Variants in EXOC6 observed in about 807,000 individuals in gnomAD.
EXOC6 encodes SEC15-like 1.
A neutral mutation model predicts 112.5 loss-of-function variants in EXOC6; 60 were observed. The ratio of observed to expected loss-of-function variants is 0.53; its 90% CI spans 0.43 to 0.66. The LOEUF (loss-of-function observed/expected upper bound fraction) is 0.66, where lower values mean the gene tolerates loss of function less well. Ranked by LOEUF, EXOC6 falls within the 30% of genes least tolerant of loss-of-function variation. The pLI is 0.00. For missense variants in EXOC6, 855 were observed against 957.1 expected (o/e 0.89, Z 1.41); for synonymous variants, 295 against 308.0 (o/e 0.96, Z 0.44).
At chr10:92,972,861 T>C (rs1842354557) in intron 17 of EXOC6, among the ~76,000 whole-genome samples, 1 of 152,240 alleles carries the variant, frequency 6.6e-6, no homozygotes, top group African/African-American at 2.4e-5. Flanking sequence ...CTTGGAGCCT[T>C]CTTAGGTCTT....
chr10:92,872,105 G>A (rs1246459768), intron 1 of EXOC6, among the ~76,000 whole-genome samples: 1 of 151,156 alleles, frequency 6.6e-6, no homozygotes, highest in East Asian at 1.9e-4. Flanking sequence ...TTTGCATTTT[G>A]TACGTAATTC....
intron 1 of EXOC6, among the ~76,000 whole-genome samples, chr10:92,883,971 A>C (rs1343427423): frequency 6.6e-6 from 1 of 152,016 alleles, no homozygotes; most frequent in Non-Finnish European, 1.5e-5. Flanking sequence ...ATCTTGGCTC[A>C]CTGCAGCCTC....
intron 18 of EXOC6, among the ~76,000 whole-genome samples, chr10:92,976,668 A>T (rs1423763513): frequency 5.4e-5 from 8 of 148,404 alleles, no homozygotes; most frequent in African/African-American, 2.0e-4. Context: ...TAAAAAAAAA[A>T]ATAATAAATT....
intron 5 of EXOC6, among the ~76,000 whole-genome samples, chr10:92,906,519 G>A (rs188291721): frequency 1.3e-5 from 2 of 152,260 alleles, no homozygotes; most frequent in African/African-American, 4.8e-5. Context: ...GTGATGACAT[G>A]TACATTTTTA....
chr10:93,024,069 A>T (rs548271270), intron 20 of EXOC6, among the ~76,000 whole-genome samples: 1 of 152,338 alleles, frequency 6.6e-6, no homozygotes, highest in African/African-American at 2.4e-5. Context: ...TTGAGCATCC[A>T]TTGCTTCACT....
chr10:92,904,070 T>G (rs945534858), intron 5 of EXOC6, among the ~76,000 whole-genome samples: 2 of 152,112 alleles, frequency 1.3e-5, no homozygotes, highest in Non-Finnish European at 2.9e-5. Context: ...TATAATATGT[T>G]CAGACTGGCT....
intron 20 of EXOC6, among the ~76,000 whole-genome samples, chr10:93,034,038 CTG>C (rs1845395788): frequency 6.6e-6 from 1 of 152,226 alleles, no homozygotes; most frequent in African/African-American, 2.4e-5. Flanking sequence ...ACTTTGGAAA[CTG>C]TTTCCTGAAC....
At chr10:92,854,633 C>T (rs370220779) in intron 1 of EXOC6, among the ~76,000 whole-genome samples, 7 of 152,112 alleles carry the variant, frequency 4.6e-5, no homozygotes, top group African/African-American at 1.7e-4. Context: ...GGTTTTGTCC[C>T]TTATTCTTTT....
At chr10:92,962,809 G>A (rs554760665) in intron 17 of EXOC6, among the ~76,000 whole-genome samples, 1 of 152,154 alleles carries the variant, frequency 6.6e-6, no homozygotes. Flanking sequence ...TAACAACAGT[G>A]TGTAATAGTA....
At chr10:92,845,552 CAAA>C (rs1169907413), upstream of EXOC6, among the ~76,000 whole-genome samples, 15 of 65,522 alleles carry the variant, frequency 2.3e-4, no homozygotes, top group African/African-American at 3.9e-4. Flanking sequence ...GACTCCATCT[CAAA>C]AAAAAAAAAA....
intron 13 of EXOC6, among the ~76,000 whole-genome samples, chr10:92,941,392 A>G (rs1852659635): frequency 6.6e-6 from 1 of 152,216 alleles, no homozygotes; most frequent in Non-Finnish European, 1.5e-5. Flanking sequence ...GAACGTGAGT[A>G]CAGTATACAT....
Position 92,959,025 on chromosome 10 carries a change from T to C in EXOC6, c.1773+3311T>C, listed in dbSNP as rs148617116. ...AGGAGAATCGCTTGAACCCGGGAGG[T>C]AGAGGTTGCAGTGAGCCGAGATCAT... On this transcript the variant is annotated intron_variant, in intron 17 of 21. Transcript: ENST00000260762. 3.6e-3 allele frequency among the ~76,000 whole-genome samples: 545 copies of C among 151,222 alleles called. 2 individuals carry two copies. The highest frequency in any genetic ancestry group is 0.013 in the African/African-American group (519 of 41,142).
chr10:92,915,949 T>C (rs1315862792), intron 7 of EXOC6, 36 bp downstream of exon 7: 1 of 1,421,954 alleles, frequency 7.0e-7, no homozygotes, highest in Non-Finnish European at 9.4e-7. Context: ...TATTATTAGA[T>C]AATTTTTTTT....
intron 20 of EXOC6, among the ~76,000 whole-genome samples, chr10:93,047,981 A>G (rs1316308849): frequency 6.6e-6 from 1 of 152,166 alleles, no homozygotes. Context: ...ATTGTGAGAG[A>G]AAAGACACAA....
At chr10:92,887,383 T>C (rs1053661724) in intron 1 of EXOC6, among the ~76,000 whole-genome samples, 1 of 145,110 alleles carries the variant, frequency 6.9e-6, no homozygotes, top group African/African-American at 2.6e-5. Flanking sequence ...TTGTAGTGAT[T>C]AATTTAATTT....
At chr10:92,895,878 T>A (rs1300706792) in intron 4 of EXOC6, among the ~76,000 whole-genome samples, 5 of 132,544 alleles carry the variant, frequency 3.8e-5, no homozygotes, top group African/African-American at 5.4e-5. Context: ...TTTTTTTTTT[T>A]AAATATAGTA....
intron 1 of EXOC6, among the ~76,000 whole-genome samples, chr10:92,843,177 TTATGG>T (rs1846918818): frequency 1.3e-5 from 2 of 152,216 alleles, no homozygotes; most frequent in African/African-American, 4.8e-5. Flanking sequence ...GTCCAGATCT[TTATGG>T]AACAGCCGAT....
intron 1 of EXOC6, among the ~76,000 whole-genome samples, chr10:92,858,022 T>TCCCA (rs1554882160): frequency 6.9e-5 from 7 of 101,272 alleles, no homozygotes; most frequent in Non-Finnish European, 1.4e-4. Context: ...GTTGACGGGT[T>TCCCA]CCCCCCCTCC....
At chr10:92,908,470 T>C (rs540037378) in intron 5 of EXOC6, among the ~76,000 whole-genome samples, 1 of 152,292 alleles carries the variant, frequency 6.6e-6, no homozygotes, top group South Asian at 2.1e-4. Context: ...TGTCATCCAA[T>C]TCAATAGAAA....
Sources: gnomAD v4.1 joint callset for allele counts (sites outside exome capture counted in the v4.1 genomes callset) on GRCh38, gnomAD v4.1.1 for gene constraint, MANE v1.5 for transcripts, NCBI Gene and HGNC (gene_info 2026-07-23, HGNC 2026-07-21) for gene names.